PKD2L1: variants seen among roughly 807,000 people sequenced by gnomAD.
PKD2L1 encodes polycystin 2 like 1, transient receptor potential cation channel.
PKD2L1 carries 77 observed loss-of-function variants against 93.0 expected under a neutral mutation model. That is an observed-to-expected ratio of 0.83 (90% CI 0.69 to 1.00). The LOEUF (loss-of-function observed/expected upper bound fraction) is 1.00. Ranked by LOEUF, PKD2L1 falls within the 50% of genes least tolerant of loss-of-function variation. PKD2L1 has a pLI of 0.00. For missense variants in PKD2L1, 977 were observed against 990.9 expected (o/e 0.99, Z 0.19); for synonymous variants, 390 against 388.0 (o/e 1.01, Z -0.06).
rs1024387030 is a variant in PKD2L1, at chr10:100,290,261, C to T, written c.2127-123G>A. 5.8e-6 allele frequency: 8 copies of T among 1,384,076 alleles called. No individual in the cohort carries two copies. The Admixed American group carries it at 8.9e-5, about 15-fold the overall frequency. 85.7% of individuals were successfully genotyped at this position (1,384,076 alleles called of 1,614,324 possible). On this transcript the variant is annotated intron_variant, in intron 13 of 15. Transcript: ENST00000318222. ...TGGAACAAGGAAGGGAAGACCCAGCCTTGTAGGCAGAATTAAAGGGGAGCG... is the reference window on the plus strand; with the variant it reads ...TGGAACAAGGAAGGGAAGACCCAGCTTTGTAGGCAGAATTAAAGGGGAGCG...
At chr10:100,321,660 G>A (rs1849230496) in intron 2 of PKD2L1, among the ~76,000 whole-genome samples, 1 of 109,658 alleles carries the variant, frequency 9.1e-6, no homozygotes, top group Non-Finnish European at 1.8e-5. Flanking sequence ...GCAACAGAGT[G>A]AGAAAAGAAA....
intron 11 of PKD2L1, 21 bp downstream of exon 11, chr10:100,292,927 G>T (rs757758929): frequency 6.2e-7 from 1 of 1,608,930 alleles, no homozygotes; most frequent in South Asian, 1.1e-5. Flanking sequence ...ATTAGAGAAG[G>T]CTGGGTCTCT....
intron 11 of PKD2L1, among the ~76,000 whole-genome samples, chr10:100,292,312 C>A (rs1848421577): frequency 6.6e-6 from 1 of 151,900 alleles, no homozygotes; most frequent in African/African-American, 2.4e-5. Flanking sequence ...GCCAACATGG[C>A]AAAATCCCAT....
intron 2 of PKD2L1, among the ~76,000 whole-genome samples, chr10:100,315,103 AG>A (rs1277581316): frequency 7.6e-6 from 1 of 130,886 alleles, no homozygotes; most frequent in African/African-American, 3.0e-5. Flanking sequence ...AGGGAAGGGA[AG>A]GGAAGGGAAG....
At chr10:100,292,811 G>A (rs563877526) in intron 11 of PKD2L1, 137 bp downstream of exon 11, 3 of 851,124 alleles carry the variant, frequency 3.5e-6, no homozygotes, top group Non-Finnish European at 5.4e-6. Flanking sequence ...AGACCTACGG[G>A]CAAAGATCTG....
intron 3 of PKD2L1, 86 bp downstream of exon 3, chr10:100,299,505 C>A: frequency 8.0e-7 from 1 of 1,247,796 alleles, no homozygotes; most frequent in Non-Finnish European, 1.2e-6. Context: ...TTTGATTTCC[C>A]AGCATAAGGT....
At position 100,292,928 on chromosome 10, in the gene PKD2L1, C is replaced by G; in HGVS notation, c.1880+20G>C. On this transcript the variant is annotated intron_variant, in intron 11 of 15. Transcript: ENST00000318222. ...CTTAAGAGACTGTTATTAGAGAAGGCTGGGTCTCTGGTTGCTCACTCCCTT... is the reference window on the plus strand; with the variant it reads ...CTTAAGAGACTGTTATTAGAGAAGGGTGGGTCTCTGGTTGCTCACTCCCTT... The G allele has an allele frequency of 4.4e-6, 7 of 1,609,024 alleles. No homozygotes were observed. Among genetic ancestry groups the G allele is most frequent in the Non-Finnish European group, 5.9e-6 (7 of 1,177,726 alleles).
chr10:100,315,231 C>T (rs1359671795), intron 2 of PKD2L1, among the ~76,000 whole-genome samples: 10 of 152,134 alleles, frequency 6.6e-5, no homozygotes, highest in Admixed American at 4.6e-4. Flanking sequence ...ATGTGCAGAA[C>T]GTGCAGGTTT....
At chr10:100,329,149 C>A in intron 2 of PKD2L1, 62 bp downstream of exon 2, 2 of 1,507,202 alleles carry the variant, frequency 1.3e-6, no homozygotes, top group Non-Finnish European at 1.8e-6. Flanking sequence ...AATGTTTATA[C>A]ATATAGTGCA....
intron 2 of PKD2L1, among the ~76,000 whole-genome samples, chr10:100,318,347 A>G (rs1564893009): frequency 6.6e-6 from 1 of 152,148 alleles, no homozygotes; most frequent in Non-Finnish European, 1.5e-5. Flanking sequence ...AAAACTTCCT[A>G]TGAATCATGA....
chr10:100,322,345 G>A (rs950783153), intron 2 of PKD2L1, among the ~76,000 whole-genome samples: 2 of 152,140 alleles, frequency 1.3e-5, no homozygotes, highest in Non-Finnish European at 2.9e-5. Flanking sequence ...TGGGCAACAC[G>A]GTGAAACCCC....
chr10:100,293,181 AG>A, intron 10 of PKD2L1, 99 bp downstream of exon 10: 1 of 1,563,212 alleles, frequency 6.4e-7, no homozygotes, highest in South Asian at 1.1e-5. Context: ...AAGGCACACA[AG>A]GGCACAGGCA....
chr10:100,296,504 G>A (rs1002161800), intron 6 of PKD2L1, among the ~76,000 whole-genome samples: 58 of 152,144 alleles, frequency 3.8e-4, no homozygotes, highest in African/African-American at 1.4e-3. Flanking sequence ...AAGGCATTGG[G>A]GACAATGGTA....
At chr10:100,292,374 C>T (rs1160739317) in intron 11 of PKD2L1, among the ~76,000 whole-genome samples, 1 of 152,066 alleles carries the variant, frequency 6.6e-6, no homozygotes, top group South Asian at 2.1e-4. Context: ...TGACTGTAGT[C>T]CCAGCTACTC....
At chr10:100,309,947 G>C (rs534936101) in intron 2 of PKD2L1, among the ~76,000 whole-genome samples, 1 of 152,268 alleles carries the variant, frequency 6.6e-6, no homozygotes, top group African/African-American at 2.4e-5. Flanking sequence ...GTTTTCGTTG[G>C]GTTGTCCTTC....
At chr10:100,296,527 T>C (rs889573810) in intron 6 of PKD2L1, among the ~76,000 whole-genome samples, 2 of 152,112 alleles carry the variant, frequency 1.3e-5, no homozygotes, top group African/African-American at 4.8e-5. Flanking sequence ...TATTAATGTA[T>C]AGATTGTAAA....
chr10:100,323,441 G>A (rs1471538425), intron 2 of PKD2L1, among the ~76,000 whole-genome samples: 1 of 152,004 alleles, frequency 6.6e-6, no homozygotes, highest in Non-Finnish European at 1.5e-5. Flanking sequence ...ACTAATTTTT[G>A]TATTTTTAGT....
At chr10:100,326,638 G>C (rs1292656154) in intron 2 of PKD2L1, among the ~76,000 whole-genome samples, 1 of 152,252 alleles carries the variant, frequency 6.6e-6, no homozygotes, top group Non-Finnish European at 1.5e-5. Flanking sequence ...CAGGCAACCA[G>C]TATGGAGAGC....
rs538170632 is a variant in PKD2L1 at position 100,307,819 on chromosome 10, A to T, written c.350-8101T>A. The stretch of plus-strand genomic sequence containing the variant: ...AGGATTGTCAGCTGAAGATCATCTG[A>T]GGCTCACATGGAGGGGGTTCTAGGG... On this transcript the variant is annotated intron_variant, in intron 2 of 15. Transcript: ENST00000318222. Among the ~76,000 whole-genome samples the T allele has an allele frequency of 3.9e-5, 6 of 152,278 alleles. No homozygotes were observed. The South Asian group carries it at 1.2e-3, about 32-fold the overall frequency.
Sources: gnomAD v4.1 joint callset for allele counts (sites outside exome capture counted in the v4.1 genomes callset) on GRCh38, gnomAD v4.1.1 for gene constraint, MANE v1.5 for transcripts, NCBI Gene and HGNC (gene_info 2026-07-23, HGNC 2026-07-21) for gene names.